The following LGR6 variants were observed in gnomAD, a reference collection of about 807,000 sequenced individuals.
LGR6 encodes the protein leucine rich repeat containing G protein-coupled receptor 6.
LGR6 carries 45 observed loss-of-function variants against 69.4 expected under a neutral mutation model. That is an observed-to-expected ratio of 0.65 (90% CI 0.51 to 0.83). LGR6 has a LOEUF of 0.83. Among genes scored for constraint, LGR6 ranks in the 40% least tolerant of loss-of-function variants. The probability of loss-of-function intolerance (pLI) is 0.00; values close to 1 mark genes in which losing one functional copy is unlikely to be tolerated. For synonymous variants in LGR6, 538 were observed against 555.0 expected, an observed-to-expected ratio of 0.97 and a Z score of 0.43; for missense variants, 1,108 against 1,246.7, an observed-to-expected ratio of 0.89 and a Z score of 1.68.
chr1:202,204,430 AACAC>A (rs139246238), intron 1 of LGR6, among the ~76,000 whole-genome samples: 1 of 60,764 alleles, frequency 1.6e-5, no homozygotes, highest in African/African-American at 6.4e-5. Flanking sequence ...CACACCTCCA[AACAC>A]ACACACACAC....
At chr1:202,196,179 G>A (rs939226128) in intron 1 of LGR6, among the ~76,000 whole-genome samples, 1 of 152,140 alleles carries the variant, frequency 6.6e-6, no homozygotes, top group African/African-American at 2.4e-5. Context: ...CTGGAATATT[G>A]GAAGGAGGTG....
At chr1:202,202,297 A>G (rs996742267) in intron 1 of LGR6, among the ~76,000 whole-genome samples, 67 of 152,298 alleles carry the variant, frequency 4.4e-4, no homozygotes, top group African/African-American at 1.6e-3. Context: ...TTTTAAAAAC[A>G]CAGACACACA....
intron 6 of LGR6, among the ~76,000 whole-genome samples, chr1:202,293,026 A>G (rs1030680720): frequency 6.6e-6 from 1 of 152,178 alleles, no homozygotes; most frequent in Non-Finnish European, 1.5e-5. Flanking sequence ...CAACTGTCAA[A>G]TGGGTATAAT....
intron 3 of LGR6, among the ~76,000 whole-genome samples, chr1:202,231,336 G>A (rs1558020228): frequency 6.6e-6 from 1 of 152,190 alleles, no homozygotes; most frequent in Non-Finnish European, 1.5e-5. Flanking sequence ...GGGAAATGCT[G>A]GTCATTTGGG....
At chr1:202,260,963 T>A (rs1268435145) in intron 4 of LGR6, among the ~76,000 whole-genome samples, 1 of 152,272 alleles carries the variant, frequency 6.6e-6, no homozygotes, top group East Asian at 1.9e-4. Context: ...TTTTTCTTTA[T>A]CCTTACAACT....
At chr1:202,195,371 T>G (rs1658601774) in intron 1 of LGR6, among the ~76,000 whole-genome samples, 1 of 152,076 alleles carries the variant, frequency 6.6e-6, no homozygotes, top group Non-Finnish European at 1.5e-5. Flanking sequence ...AGGTAGAGGG[T>G]CCCAGAGGGC....
rs1359953262 is a variant in LGR6, at chr1:202,290,810, G to T, written c.717-6698G>T. Among the ~76,000 whole-genome samples, 3 of 152,206 alleles carry T rather than the reference G, an allele frequency of 2.0e-5. No individual in the cohort carries two copies. In the East Asian group the frequency reaches 5.8e-4, roughly 29 times the overall value. On this transcript the variant is annotated intron_variant, in intron 6 of 17. Coordinates refer to ENST00000367278, the MANE Select transcript of LGR6 (RefSeq NM_001017403.2). Reference sequence around the variant, plus strand: ...ACCCAGGAGGTGGAGGTTGTAGTGAGCTGAGATCGCGCCATTGCCCTCCAG... The same window carrying T: ...ACCCAGGAGGTGGAGGTTGTAGTGATCTGAGATCGCGCCATTGCCCTCCAG...
At chr1:202,235,792 C>T in intron 3 of LGR6, 130 bp from the exon 4 acceptor site, 1 of 728,500 alleles carries the variant, frequency 1.4e-6, no homozygotes. Flanking sequence ...CAGACTCTCT[C>T]TGGGGCTCTG....
At chr1:202,232,015 C>T (rs941254657) in intron 3 of LGR6, among the ~76,000 whole-genome samples, 5 of 151,896 alleles carry the variant, frequency 3.3e-5, no homozygotes, top group African/African-American at 9.7e-5. Context: ...TCACTTGAGC[C>T]CGGGAGGTGG....
At chr1:202,220,465 C>T (rs917695642) in intron 1 of LGR6, among the ~76,000 whole-genome samples, 2 of 152,026 alleles carry the variant, frequency 1.3e-5, no homozygotes, top group African/African-American at 2.4e-5. Context: ...GTGGTCCACC[C>T]GCCTCAGCCT....
intron 3 of LGR6, among the ~76,000 whole-genome samples, chr1:202,234,463 CA>C (rs1199007630): frequency 6.6e-6 from 1 of 152,164 alleles, no homozygotes. Flanking sequence ...TGACTCTGAC[CA>C]GGACGTCACA....
intron 1 of LGR6, among the ~76,000 whole-genome samples, chr1:202,196,411 C>G (rs558224256): frequency 1.3e-5 from 2 of 152,150 alleles, no homozygotes; most frequent in Non-Finnish European, 2.9e-5. Context: ...CTCTTTTCAG[C>G]GATGTTAGGA....
At chr1:202,241,818 C>G (rs1329466614) in intron 4 of LGR6, among the ~76,000 whole-genome samples, 1 of 151,946 alleles carries the variant, frequency 6.6e-6, no homozygotes, top group Non-Finnish European at 1.5e-5. Context: ...AGCCAAACAG[C>G]CCAAACCTGG....
At chr1:202,203,908 G>T (rs190636715) in intron 1 of LGR6, 1 of 1,537,604 alleles carries the variant, frequency 6.5e-7, no homozygotes, top group East Asian at 2.2e-5. Flanking sequence ...ATCCTCCTTG[G>T]GGGGTGTTTA....
intron 8 of LGR6, 72 bp downstream of exon 8, chr1:202,300,992 A>G: frequency 7.1e-7 from 1 of 1,409,006 alleles, no homozygotes; most frequent in South Asian, 1.2e-5. Context: ...ATGGGAAGGC[A>G]GGAGGGACTT....
At chr1:202,300,300 A>G (rs1225903120) in intron 7 of LGR6, among the ~76,000 whole-genome samples, 2 of 152,276 alleles carry the variant, frequency 1.3e-5, no homozygotes, top group East Asian at 1.9e-4. Flanking sequence ...GCCTGCAGCC[A>G]TGTCTCCACC....
rs116153772 is a variant in LGR6 at position 202,274,066 on chromosome 1, G to A, written c.429-2240G>A. 8.2e-3 allele frequency among the ~76,000 whole-genome samples: 1,250 copies of A among 152,200 alleles called. 20 individuals carry two copies. The highest frequency in any genetic ancestry group is 0.027 in the African/African-American group (1,141 of 41,524). ...ATCTGCTGGGTGGGCATCTGCAGAC[G>A]GGGGAAAGCGGGAGGTGAGAGCCCT... On this transcript the variant is annotated intron_variant, in intron 4 of 17. Coordinates refer to ENST00000367278, the MANE Select transcript of LGR6 (RefSeq NM_001017403.2).
intron 2 of LGR6, among the ~76,000 whole-genome samples, chr1:202,226,480 C>T (rs925142488): frequency 1.5e-4 from 23 of 152,308 alleles, no homozygotes; most frequent in East Asian, 5.8e-4. Flanking sequence ...GGCCCCACTA[C>T]TCCCCTAACA....
intron 5 of LGR6, among the ~76,000 whole-genome samples, chr1:202,277,084 A>C (rs961959439): frequency 6.6e-6 from 1 of 152,328 alleles, no homozygotes; most frequent in East Asian, 1.9e-4. Context: ...TTAGAGGGCA[A>C]ATTAGCTCCC....
Sources: gnomAD v4.1 joint callset for allele counts (sites outside exome capture counted in the v4.1 genomes callset) on GRCh38, gnomAD v4.1.1 for gene constraint, MANE v1.5 for transcripts, NCBI Gene and HGNC (gene_info 2026-07-23, HGNC 2026-07-21) for gene names.